The following FGFR4 variants were observed in gnomAD, a reference collection of about 807,000 sequenced individuals.
FGFR4 encodes hydroxyaryl-protein kinase.
FGFR4 carries 63 observed loss-of-function variants against 89.9 expected under a neutral mutation model. The ratio of observed to expected loss-of-function variants is 0.70; its 90% CI spans 0.57 to 0.86. The LOEUF is 0.86. FGFR4 is among the 40% of genes least tolerant of loss of function. The pLI is 0.00. For synonymous variants in FGFR4, 486 were observed against 479.4 expected (o/e 1.01, Z -0.18); for missense variants, 928 against 1,106.7 (o/e 0.84, Z 2.29).
Position 177,095,981 on chromosome 5 carries a change from CGGGCCTGCTGGGGGGTGGTGTG to C in FGFR4, c.1822-75_1822-54del. The C allele has an allele frequency of 6.5e-7, 1 of 1,544,702 alleles. No homozygotes were observed. Among genetic ancestry groups the C allele is most frequent in the Non-Finnish European group, 8.7e-7 (1 of 1,145,714 alleles). On this transcript the variant is annotated intron_variant, in intron 13 of 17. Transcript: ENST00000292408. The surrounding 1 kb of genome is among the most constrained non-coding windows in gnomAD (Gnocchi z 5.7). ...AAAGTGGGTGGAGGGCCCCTGCCCCCGGGCCTGCTGGGGGGTGGTGTGTGCTCAACTCCAGGCCAGGTGTCCT... is the reference window on the plus strand; with the variant it reads ...AAAGTGGGTGGAGGGCCCCTGCCCCCTGCTCAACTCCAGGCCAGGTGTCCT...
chr5:177,093,629 GAGGCTGGACTTTCTCCATCTCC>G lies in FGFR4; in HGVS notation c.1398-17_1402del. On this transcript the variant is annotated splice_polypyrimidine_tract_variant and splice_region_variant and intron_variant, in intron 10 of 17. Coordinates refer to ENST00000292408, the MANE Select transcript of FGFR4 (RefSeq NM_213647.3). The surrounding 1 kb of genome is among the most constrained non-coding windows in gnomAD (Gnocchi z 5.8). ...CTCCGCAGGAGTGACTCGGAGGTCT[GAGGCTGGACTTTCTCCATCTCC>G]AGGCTGGTGCTTGGGAAGCCCCTAG... 1 of 1,614,132 alleles carries G rather than the reference GAGGCTGGACTTTCTCCATCTCC, an allele frequency of 6.2e-7. No individual in the cohort carries two copies. Among genetic ancestry groups the G allele is most frequent in the Non-Finnish European group, 8.5e-7 (1 of 1,180,004 alleles).
In FGFR4 at chr5:177,087,467, A is replaced by T; in HGVS notation, c.-54+390A>T. ...AGGGACCTGAGGCCCCGAAAAGTTC[A>T]GTCACTTAGTGCCCGGGGGCCTCCA... On this transcript the variant is annotated intron_variant, in intron 1 of 17. Transcript: ENST00000292408. This position sits in a 1 kb window ranked among gnomAD's most constrained non-coding sequence, Gnocchi z 6.1. 1.9e-6 allele frequency: 1 copy of T among 534,528 alleles called. No homozygotes were observed. The allele number at this position is 534,528 out of a possible 1,614,324, so 33.1% of individuals were successfully genotyped here. A position where few individuals can be genotyped will look rare whatever the true frequency, so the allele number is the denominator to read the frequency against.
chr5:177,087,551 T>A lies in FGFR4; in HGVS notation c.-54+474T>A, dbSNP rs750214303. The A allele has an allele frequency of 7.1e-4, 700 of 984,278 alleles. 1 individual carries two copies. The highest frequency in any genetic ancestry group is 8.2e-4 in the Non-Finnish European group (678 of 829,072). The allele number at this position is 984,278 out of a possible 1,614,324, so 61.0% of individuals were successfully genotyped here. ...ACTGTCTGATGCCTAAGGCAGGCCC[T>A]CCATTCCCACGTGGGGGGTGGTCGG... On this transcript the variant is annotated intron_variant, in intron 1 of 17. Coordinates refer to ENST00000292408, the MANE Select transcript of FGFR4 (RefSeq NM_213647.3). This position sits in a 1 kb window ranked among gnomAD's most constrained non-coding sequence, Gnocchi z 6.1.
chr5:177,091,401 C>T (rs1784362556), intron 5 of FGFR4, among the ~76,000 whole-genome samples: 1 of 152,196 alleles, frequency 6.6e-6, no homozygotes, highest in Non-Finnish European at 1.5e-5. Context: ...AGGGTCGGCT[C>T]CATGCTGTCA....
intron 8 of FGFR4, 93 bp downstream of exon 8, chr5:177,092,877 C>T: frequency 6.3e-7 from 1 of 1,586,644 alleles, no homozygotes; most frequent in Non-Finnish European, 8.6e-7. Flanking sequence ...CTCTGTTGGC[C>T]TGTGGGGTCT....
intron 11 of FGFR4, among the ~76,000 whole-genome samples, chr5:177,094,618 C>T (rs1784485808): frequency 6.6e-6 from 1 of 151,884 alleles, no homozygotes; most frequent in African/African-American, 2.4e-5. Flanking sequence ...TCTTGCTGGG[C>T]ACTCCTGCAC....
In FGFR4 at chr5:177,095,191, C is replaced by A; in HGVS notation, c.1520-139C>A. 1 of 710,490 alleles carries A rather than the reference C, an allele frequency of 1.4e-6. No individual in the cohort carries two copies. The highest frequency in any genetic ancestry group is 2.5e-6 in the Non-Finnish European group (1 of 402,612). 44.0% of individuals were successfully genotyped at this position (710,490 alleles called of 1,614,324 possible). A position where few individuals can be genotyped will look rare whatever the true frequency, so the allele number is the denominator to read the frequency against. The stretch of plus-strand genomic sequence containing the variant: ...GTTCAGAGACGCTAGGAGACTTTTT[C>A]AAGGCCACACAGCCTAGCAAGGATT... On this transcript the variant is annotated intron_variant, in intron 11 of 17. Transcript: ENST00000292408. The surrounding 1 kb of genome is among the most constrained non-coding windows in gnomAD (Gnocchi z 5.7).
At chr5:177,090,149 T>TATGC (rs761825501) in intron 2 of FGFR4, 4 of 691,056 alleles carry the variant, frequency 5.8e-6, no homozygotes, top group Non-Finnish European at 1.1e-5. Flanking sequence ...TGTGTGTGTG[T>TATGC]GTGTGTCTTG....
In FGFR4 at chr5:177,097,522, CA is replaced by C; in HGVS notation, c.2260-4del. 1.2e-6 allele frequency: 2 copies of C among 1,612,170 alleles called. No individual in the cohort carries two copies. The highest frequency in any genetic ancestry group is 1.7e-6 in the Non-Finnish European group (2 of 1,179,052). ...GCAGAGGCTGACCAGCTCCGTTCCC[CA>C]CAGTACCTCGACCTCCGCCTGACCT... On this transcript the variant is annotated splice_polypyrimidine_tract_variant and splice_region_variant and intron_variant, in intron 17 of 17. Transcript: ENST00000292408.
intron 16 of FGFR4, 66 bp downstream of exon 16, chr5:177,096,807 C>T: frequency 1.3e-6 from 2 of 1,532,418 alleles, no homozygotes; most frequent in South Asian, 2.5e-5. Context: ...TGACCATGGC[C>T]TCAGGGTGTG....
Position 177,093,497 on chromosome 5 carries a change from G to A in FGFR4, c.1343G>A (p.Gly448Asp), listed in dbSNP as rs1458672862. The A allele has an allele frequency of 6.2e-7, 1 of 1,613,932 alleles. No homozygotes were observed. Among genetic ancestry groups the A allele is most frequent in the Non-Finnish European group, 8.5e-7 (1 of 1,180,024 alleles). Residue 448 changes from glycine (G) to aspartate (D), a missense_variant, in exon 10 of 18, where the codon GGC becomes GAC. Physicochemically the swap from Gly to Asp is moderately conservative, Grantham distance 94. Transcript: ENST00000292408. The surrounding 1 kb of genome is among the most constrained non-coding windows in gnomAD (Gnocchi z 5.8). ...TCCAGCGGCCCCGCCTTGCTCGCCG[G>A]CCTCGTGAGTCTAGATCTACCTCTC... ...LSSSGPALLAGLVSLDLPLDP... is the reference protein window; with the variant it reads ...LSSSGPALLADLVSLDLPLDP...
rs374960286 is a variant in FGFR4 at position 177,096,388 on chromosome 5, C to T, written c.2015+31C>T. 14 of 1,612,376 alleles carry T rather than the reference C, an allele frequency of 8.7e-6. No individual in the cohort carries two copies. The African/African-American group carries it at 9.3e-5, about 11-fold the overall frequency. On this transcript the variant is annotated intron_variant, in intron 15 of 17. Coordinates refer to ENST00000292408, the MANE Select transcript of FGFR4 (RefSeq NM_213647.3). The stretch of plus-strand genomic sequence containing the variant: ...TCCTGCCGGCGGTCACTGTCCTACC[C>T]CACAAAAAGGGCAAGGCACTGCCCA...
In FGFR4 at chr5:177,095,613, G is replaced by C. The variant is rs768792805; in HGVS notation, c.1711G>C (p.Asp571His). 6.2e-7 allele frequency: 1 copy of C among 1,605,068 alleles called. No homozygotes were observed. The highest frequency in any genetic ancestry group is 8.5e-7 in the Non-Finnish European group (1 of 1,176,980). Reference sequence around the variant, plus strand: ...GCGGGCCCGGCGCCCCCCAGGCCCCGACCTCAGCCCCGACGGTCCTCGGAG... The same window carrying C: ...GCGGGCCCGGCGCCCCCCAGGCCCCCACCTCAGCCCCGACGGTCCTCGGAG... ...FLRARRPPGP[D>H]LSPDGPRSSE... The change falls in exon 13 of 18, where the codon GAC becomes CAC. Residue 571 changes from aspartate (D) to histidine (H), a missense_variant. Asp to His is a moderately conservative substitution (Grantham distance 81, BLOSUM62 -1). Around this residue, in one of 5 missense-constraint regions of FGFR4, gnomAD observed 741 missense variants for 836.9 expected, o/e 0.89. Coordinates refer to ENST00000292408, the MANE Select transcript of FGFR4 (RefSeq NM_213647.3). The surrounding 1 kb of genome is among the most constrained non-coding windows in gnomAD (Gnocchi z 5.7).
rs769766701 is a variant in FGFR4, at chr5:177,093,412, C to T, written c.1258C>T (p.Leu420=). ...CAAGTCTCCCACTTTGCAGTTCTCC[C>T]TGGAGTCAGGCTCTTCCGGCAAGTC... is the stretch of plus-strand genomic sequence containing the variant. The part of the protein sequence containing the change: ...SRFPLARQFS[L]ESGSSGKSSS... The change falls in exon 10 of 18, where the codon CTG becomes TTG. Residue 420 remains leucine (L), a synonymous_variant. Transcript: ENST00000292408. This position sits in a 1 kb window ranked among gnomAD's most constrained non-coding sequence, Gnocchi z 5.8. 1.9e-6 allele frequency: 3 copies of T among 1,614,022 alleles called. No homozygotes were observed. In the African/African-American group the frequency reaches 4.0e-5, roughly 22 times the overall value.
rs748100430 is a variant in FGFR4, at chr5:177,092,384, G to A, written c.791G>A (p.Gly264Asp). Reference protein sequence around the residue: ...GLPANTTAVVGSDVELLCKVY... With the variant: ...GLPANTTAVVDSDVELLCKVY... ...CCGGCCAACACCACAGCCGTGGTGG[G>A]CAGCGACGTGGAGCTGCTGTGCAAG... The change falls in exon 7 of 18, where the codon GGC becomes GAC. Residue 264 changes from glycine to aspartate, a missense_variant. Around this residue, in one of 5 missense-constraint regions of FGFR4, gnomAD observed 741 missense variants for 836.9 expected, o/e 0.89. Coordinates refer to ENST00000292408, the MANE Select transcript of FGFR4 (RefSeq NM_213647.3). 2 of 1,607,774 alleles carry A rather than the reference G, an allele frequency of 1.2e-6. No homozygotes were observed. Among genetic ancestry groups the A allele is most frequent in the Non-Finnish European group, 1.7e-6 (2 of 1,175,496 alleles).
chr5:177,097,656 G>T lies in FGFR4; in HGVS notation c.2389G>T (p.Gly797Trp). The change falls in exon 18 of 18, where the codon GGG (glycine) becomes TGG (tryptophan). Residue 797 changes from glycine (G) to tryptophan (W), a missense_variant. Gly to Trp is a radical substitution (Grantham distance 184, BLOSUM62 -2). This residue lies in a region of FGFR4 where 129 missense variants were observed against 150.8 expected (regional missense o/e 0.86). Coordinates refer to ENST00000292408, the MANE Select transcript of FGFR4 (RefSeq NM_213647.3). ...LPLGSSSFPFGSGVQT is the reference protein window; with the variant it reads ...LPLGSSSFPFWSGVQT ...ATTGGGATCCAGCTCCTTCCCCTTC[G>T]GGTCTGGGGTGCAGACATGAGCAAG... 6.2e-7 allele frequency: 1 copy of T among 1,614,122 alleles called. No individual in the cohort carries two copies.
At chr5:177,088,002 A>G (rs780488516) in intron 1 of FGFR4, among the ~76,000 whole-genome samples, 2 of 152,114 alleles carry the variant, frequency 1.3e-5, no homozygotes, top group African/African-American at 2.4e-5. Context: ...GGGGGGCATG[A>G]CATGGCAGAC....
In FGFR4 at chr5:177,093,479, G is replaced by T. The variant is rs1465632616; in HGVS notation, c.1325G>T (p.Gly442Val). The T allele has an allele frequency of 1.2e-6, 2 of 1,613,910 alleles. No homozygotes were observed. Among genetic ancestry groups the T allele is most frequent in the Non-Finnish European group, 8.5e-7 (1 of 1,179,996 alleles). Residue 442 changes from glycine to valine, a missense_variant, in exon 10 of 18, where the codon GGC (glycine) becomes GTC (valine). Around this residue, in one of 5 missense-constraint regions of FGFR4, gnomAD observed 741 missense variants for 836.9 expected, o/e 0.89. Coordinates refer to ENST00000292408, the MANE Select transcript of FGFR4 (RefSeq NM_213647.3). The surrounding 1 kb of genome is among the most constrained non-coding windows in gnomAD (Gnocchi z 5.8). ...LVRGVRLSSSGPALLAGLVSL... is the reference protein window; with the variant it reads ...LVRGVRLSSSVPALLAGLVSL... ...CGAGGCGTGCGTCTCTCCTCCAGCG[G>T]CCCCGCCTTGCTCGCCGGCCTCGTG... is the stretch of plus-strand genomic sequence containing the variant.
At chr5:177,089,298 G>A (rs966557572) in intron 1 of FGFR4, among the ~76,000 whole-genome samples, 30 of 152,248 alleles carry the variant, frequency 2.0e-4, no homozygotes, top group African/African-American at 6.7e-4. Flanking sequence ...TTCTGTGAAC[G>A]TGTGCCAGGG....
Sources: allele counts gnomAD v4.1 joint callset (sites outside exome capture counted in the v4.1 genomes callset), GRCh38; gene constraint gnomAD v4.1.1; regional missense constraint gnomAD v4.1.1; non-coding constraint Gnocchi (gnomAD v3.1); transcripts MANE v1.5; gene names NCBI Gene and HGNC (gene_info 2026-07-23, HGNC 2026-07-21).